SGK1: variants seen among roughly 807,000 people sequenced by gnomAD.
SGK1 encodes serum/glucocorticoid regulated kinase 1.
Under a neutral mutation model 64.2 loss-of-function variants are expected in SGK1, and 26 were observed. The ratio of observed to expected loss-of-function variants is 0.40; its 90% CI spans 0.30 to 0.56. SGK1 has a LOEUF of 0.56. Ranked by LOEUF, SGK1 falls within the 20% of genes least tolerant of loss-of-function variation. The probability of loss-of-function intolerance (pLI) is 0.38; values close to 1 mark genes in which losing one functional copy is unlikely to be tolerated. For synonymous variants in SGK1, 265 were observed against 239.7 expected, an observed-to-expected ratio of 1.11 and a Z score of -0.98; for missense variants, 519 against 645.6, an observed-to-expected ratio of 0.80 and a Z score of 2.12.
intron 2 of SGK1, among the ~76,000 whole-genome samples, chr6:134,240,094 C>G (rs1776420530): frequency 6.6e-6 from 1 of 152,084 alleles, no homozygotes; most frequent in African/African-American, 2.4e-5. Context: ...GAGTTCAAGA[C>G]CAGCCTGGCC....
At chr6:134,191,808 A>G (rs1052695945) in intron 3 of SGK1, among the ~76,000 whole-genome samples, 3 of 135,580 alleles carry the variant, frequency 2.2e-5, no homozygotes, top group African/African-American at 5.5e-5. Context: ...AGCTGGGACT[A>G]CAGGCATGCG....
chr6:134,301,425 G>T (rs1777451170), intron 1 of SGK1, among the ~76,000 whole-genome samples: 1 of 152,138 alleles, frequency 6.6e-6, no homozygotes, highest in Admixed American at 6.5e-5. Context: ...TCACCCACAA[G>T]TAGGAGGAGA....
chr6:134,312,299 G>A lies in SGK1; in HGVS notation c.69+5093C>T, dbSNP rs143930615. Among the ~76,000 whole-genome samples, 58 of 152,292 alleles carry A rather than the reference G, an allele frequency of 3.8e-4. No individual in the cohort carries two copies. In the East Asian group the frequency reaches 0.01, roughly 27 times the overall value. On this transcript the variant is annotated intron_variant, in intron 1 of 13. Transcript: ENST00000367858. ...TTATCCCTCTGAGAAGACATCGAAA[G>A]TTTCCCATAAGAAAAGGGCCTTTGT...
At position 134,232,991 on chromosome 6, in the gene SGK1, A is replaced by C. The variant is rs1389685055; in HGVS notation, c.286-25560T>G. ...CAATTTTTAATAATATTTTAATATT[A>C]TATTCATAATTTAAAATTTATCTAG... is the stretch of plus-strand genomic sequence containing the variant. On this transcript the variant is annotated intron_variant, in intron 2 of 13. Coordinates refer to ENST00000367858, the MANE Select transcript of SGK1 (RefSeq NM_001143676.3). 2.0e-5 allele frequency among the ~76,000 whole-genome samples: 3 copies of C among 150,638 alleles called. No homozygotes were observed. In the East Asian group the frequency reaches 6.0e-4, roughly 30 times the overall value.
intron 2 of SGK1, among the ~76,000 whole-genome samples, chr6:134,248,445 CT>C (rs34315643): frequency 0.045 from 4,627 of 103,006 alleles, 77 homozygotes; most frequent in African/African-American, 0.057. Context: ...TCTCCTCCGC[CT>C]TTTTTTTTTT....
chr6:134,174,969 C>T, intron 3 of SGK1: 1 of 1,358,350 alleles, frequency 7.4e-7, no homozygotes, highest in South Asian at 1.5e-5. Context: ...CCTCGCCCCG[C>T]CCCGGCCGCC....
chr6:134,172,233 T>A lies in SGK1; in HGVS notation c.1031A>T (p.Glu344Val). ...TDFGLCKENIEHNSTTSTFCG... is the reference protein window; with the variant it reads ...TDFGLCKENIVHNSTTSTFCG... ...GAAGGTGGATGTTGTGCTGTTGTGT[T>A]CAATGTTCTCCTTGCAGAGTCCGAA... Residue 344 changes from glutamate to valine, a missense_variant, in exon 10 of 14, where the codon GAA (glutamate) becomes GTA (valine). This residue lies in a region of SGK1 where 278 missense variants were observed against 408.7 expected (regional missense o/e 0.68). Transcript: ENST00000367858. 6.2e-7 allele frequency: 1 copy of A among 1,614,222 alleles called. No homozygotes were observed. Among genetic ancestry groups the A allele is most frequent in the Non-Finnish European group, 8.5e-7 (1 of 1,180,040 alleles).
chr6:134,297,418 C>A, intron 1 of SGK1: 2 of 711,696 alleles, frequency 2.8e-6, no homozygotes, highest in South Asian at 1.3e-5. Flanking sequence ...TCGGCATCTG[C>A]GATGGCAGTC....
chr6:134,222,476 C>T (rs1341015291), intron 2 of SGK1, among the ~76,000 whole-genome samples: 1 of 151,956 alleles, frequency 6.6e-6, no homozygotes, highest in South Asian at 2.1e-4. Context: ...GCTGGGATTA[C>T]AGGCGCCCAC....
At chr6:134,271,311 C>CA (rs528359922) in intron 1 of SGK1, among the ~76,000 whole-genome samples, 4,993 of 96,638 alleles carry the variant, frequency 0.052, 559 homozygotes, top group Middle Eastern at 0.082. Context: ...GAAACTGTCT[C>CA]AAAAAAAAAA....
chr6:134,180,859 G>A (rs1743962), intron 3 of SGK1, among the ~76,000 whole-genome samples: 77,955 of 148,710 alleles, frequency 0.52, 21,276 homozygotes, highest in African/African-American at 0.67. Flanking sequence ...GCAACAAAGT[G>A]AGATCCTATC....
At chr6:134,242,818 T>C (rs1776469569) in intron 2 of SGK1, among the ~76,000 whole-genome samples, 1 of 152,152 alleles carries the variant, frequency 6.6e-6, no homozygotes, top group Non-Finnish European at 1.5e-5. Context: ...TGAACTAGAT[T>C]GTACTGACAA....
chr6:134,190,271 GTTCC>G (rs1307124486), intron 3 of SGK1, among the ~76,000 whole-genome samples: 9 of 149,162 alleles, frequency 6.0e-5, no homozygotes, highest in Non-Finnish European at 1.0e-4. Flanking sequence ...GTCATACATA[GTTCC>G]TTCCTTCCTT....
chr6:134,171,741 C>T lies in SGK1; in HGVS notation c.1072-9G>A. On this transcript the variant is annotated splice_polypyrimidine_tract_variant and intron_variant, in intron 10 of 13. Coordinates refer to ENST00000367858, the MANE Select transcript of SGK1 (RefSeq NM_001143676.3). ...ACCTCAGGTGCGAGATACTGAAAAA[C>T]AGACCAGGGAAACAGCGTTTAGAAC... 1.3e-6 allele frequency: 2 copies of T among 1,591,520 alleles called. No individual in the cohort carries two copies. Among genetic ancestry groups the T allele is most frequent in the South Asian group, 2.2e-5 (2 of 90,522 alleles).
chr6:134,273,622 A>AAAAAAAAT, intron 1 of SGK1, among the ~76,000 whole-genome samples: 1 of 145,132 alleles, frequency 6.9e-6, no homozygotes, highest in East Asian at 2.0e-4. Context: ...AAAAAAAAAA[A>AAAAAAAAT]GCTGAGTTAA....
rs531561177 is a variant in SGK1 at position 134,206,845 on chromosome 6, C to T, written c.361+511G>A. 3.2e-3 allele frequency among the ~76,000 whole-genome samples: 453 copies of T among 142,428 alleles called. 3 individuals carry two copies. Among genetic ancestry groups the T allele is most frequent in the African/African-American group, 0.011 (408 of 37,478 alleles). 93.4% of individuals were successfully genotyped at this position (142,428 alleles called of 152,430 possible). A position where few individuals can be genotyped will look rare whatever the true frequency, so the allele number is the denominator to read the frequency against. ...TCGTACCACCGCACTCCAGCCTGGG[C>T]GACAGAGCAAGACTCCGTCTCCAGA... On this transcript the variant is annotated intron_variant, in intron 3 of 13. Transcript: ENST00000367858.
intron 3 of SGK1, chr6:134,180,419 G>T (rs962898545): frequency 6.6e-6 from 1 of 152,182 alleles, no homozygotes; most frequent in African/African-American, 2.4e-5. Flanking sequence ...GTAAGGAATT[G>T]TATGTATGTG....
At chr6:134,196,583 C>T (rs1447035876) in intron 3 of SGK1, among the ~76,000 whole-genome samples, 1 of 152,232 alleles carries the variant, frequency 6.6e-6, no homozygotes, top group African/African-American at 2.4e-5. Context: ...CACGACACAA[C>T]CACAACAGAT....
At chr6:134,279,553 G>T (rs1777064227) in intron 1 of SGK1, among the ~76,000 whole-genome samples, 1 of 152,028 alleles carries the variant, frequency 6.6e-6, no homozygotes, top group South Asian at 2.1e-4. Context: ...TCTTTTAATA[G>T]ATATCAATGA....
Sources: gnomAD v4.1 joint callset for allele counts (sites outside exome capture counted in the v4.1 genomes callset) on GRCh38, gnomAD v4.1.1 for gene constraint, gnomAD v4.1.1 regional missense constraint, MANE v1.5 for transcripts, NCBI Gene and HGNC (gene_info 2026-07-23, HGNC 2026-07-21) for gene names.